Variants in FAM117A observed in about 807,000 individuals in gnomAD.
FAM117A encodes family with sequence similarity 117 member A, also known as protein FAM117A.
In FAM117A, 21 loss-of-function variants were observed where a neutral mutation model predicts 44.1. The ratio of observed to expected loss-of-function variants is 0.48; its 90% CI spans 0.34 to 0.69. The LOEUF (loss-of-function observed/expected upper bound fraction) is 0.69, where lower values mean the gene tolerates loss of function less well. Among genes scored for constraint, FAM117A ranks in the 30% least tolerant of loss-of-function variants. The pLI is 0.01. For missense variants in FAM117A, 498 were observed against 589.9 expected, an observed-to-expected ratio of 0.84 and a Z score of 1.61; for synonymous variants, 220 against 238.3, an observed-to-expected ratio of 0.92 and a Z score of 0.71.
At chr17:49,765,133 AT>A (rs2073741504), upstream of FAM117A, among the ~76,000 whole-genome samples, 2 of 152,262 alleles carry the variant, frequency 1.3e-5, no homozygotes, top group Non-Finnish European at 2.9e-5. Flanking sequence ...GGGAAAGAAA[AT>A]AACATTTAAG....
chr17:49,743,430 C>CA (rs1555596625), intron 1 of FAM117A, among the ~76,000 whole-genome samples: 1 of 150,844 alleles, frequency 6.6e-6, no homozygotes, highest in Non-Finnish European at 1.5e-5. Flanking sequence ...ACTCCACCTC[C>CA]AAAAAAAAGA....
Position 49,720,192 on chromosome 17 carries a change from T to A in FAM117A, c.573+134A>T. 8.1e-6 allele frequency: 6 copies of A among 743,522 alleles called. No individual in the cohort carries two copies. The South Asian group carries it at 9.1e-5, about 11-fold the overall frequency. 46.1% of individuals were successfully genotyped at this position (743,522 alleles called of 1,614,324 possible). A position where few individuals can be genotyped will look rare whatever the true frequency, so the allele number is the denominator to read the frequency against. ...TCCAATATCACACAGCAAGACCAAGTTTGGACTAAAACTTCACAAAGCATG... is the reference window on the plus strand; with the variant it reads ...TCCAATATCACACAGCAAGACCAAGATTGGACTAAAACTTCACAAAGCATG... On this transcript the variant is annotated intron_variant, in intron 4 of 7. Coordinates refer to ENST00000240364, the MANE Select transcript of FAM117A (RefSeq NM_030802.4).
chr17:49,723,831 G>C (rs2073546684), intron 2 of FAM117A, among the ~76,000 whole-genome samples: 1 of 152,156 alleles, frequency 6.6e-6, no homozygotes, highest in Non-Finnish European at 1.5e-5. Context: ...GCTGCTCATG[G>C]ATCAGCACCT....
At chr17:49,781,114 C>T (rs943596877) in intron 1 of FAM117A, among the ~76,000 whole-genome samples, 1 of 152,190 alleles carries the variant, frequency 6.6e-6, no homozygotes, top group Non-Finnish European at 1.5e-5. Context: ...CCATGCCTGG[C>T]CATGTTTTGC....
chr17:49,727,506 G>C (rs187720153), intron 2 of FAM117A, among the ~76,000 whole-genome samples: 1 of 152,326 alleles, frequency 6.6e-6, no homozygotes, highest in East Asian at 1.9e-4. Context: ...GGGACAAGTA[G>C]GGTAGCTTCT....
chr17:49,757,025 G>A (rs2073701727), intron 1 of FAM117A, among the ~76,000 whole-genome samples: 1 of 152,150 alleles, frequency 6.6e-6, no homozygotes, highest in East Asian at 1.9e-4. Context: ...GACAGTCTCT[G>A]AGAGAAAACT....
upstream of FAM117A, chr17:49,788,979 C>T (rs1772345263): frequency 3.6e-6 from 3 of 833,306 alleles, no homozygotes; most frequent in Non-Finnish European, 5.4e-6. Context: ...CAGCTACCCT[C>T]TCTTCTGTCC....
chr17:49,752,621 A>G (rs1305121225), intron 1 of FAM117A, among the ~76,000 whole-genome samples: 2 of 152,192 alleles, frequency 1.3e-5, no homozygotes, highest in African/African-American at 2.4e-5. Context: ...CCACAGAGGC[A>G]GAAAAATCTG....
chr17:49,756,389 AG>A (rs1360391011), intron 1 of FAM117A, among the ~76,000 whole-genome samples: 8 of 152,140 alleles, frequency 5.3e-5, no homozygotes, highest in Admixed American at 3.9e-4. Context: ...GTCTTCATTT[AG>A]GATCAGATAA....
chr17:49,748,365 C>A (rs2073661822), intron 1 of FAM117A, among the ~76,000 whole-genome samples: 1 of 152,198 alleles, frequency 6.6e-6, no homozygotes. Context: ...CCAACACACA[C>A]CTCTAAGCTT....
intron 7 of FAM117A, 74 bp from the exon 8 acceptor site, chr17:49,711,629 T>G: frequency 6.5e-6 from 9 of 1,388,772 alleles, no homozygotes; most frequent in Non-Finnish European, 8.1e-6. Flanking sequence ...GAGGGTGAGA[T>G]GTCACAGCAT....
Position 49,719,912 on chromosome 17 carries a change from G to T in FAM117A, c.574-18C>A, listed in dbSNP as rs2073525564. The T allele has an allele frequency of 6.3e-7, 1 of 1,595,458 alleles. No homozygotes were observed. On this transcript the variant is annotated intron_variant, in intron 4 of 7. Coordinates refer to ENST00000240364, the MANE Select transcript of FAM117A (RefSeq NM_030802.4). ...GGGGACGCCTGAGGAAGAGGCAAAT[G>T]ACAAAATCACACACAGCCCCACCAG...
chr17:49,788,982 T>G (rs1219908459), upstream of FAM117A: 1 of 808,480 alleles, frequency 1.2e-6, no homozygotes, highest in African/African-American at 1.8e-5. Flanking sequence ...CTACCCTCTC[T>G]TCTGTCCATA....
intron 7 of FAM117A, among the ~76,000 whole-genome samples, chr17:49,711,977 TC>T (rs1427769105): frequency 6.6e-6 from 1 of 152,142 alleles, no homozygotes; most frequent in Admixed American, 6.5e-5. Flanking sequence ...AAACCCTGTC[TC>T]CAGTAAAAAT....
intron 1 of FAM117A, among the ~76,000 whole-genome samples, chr17:49,741,975 G>GA (rs2073636342): frequency 6.6e-6 from 1 of 152,068 alleles, no homozygotes; most frequent in Admixed American, 6.6e-5. Context: ...CATCCCAGCT[G>GA]AAAAAATTAA....
At chr17:49,788,691 C>T (rs534152461), upstream of FAM117A, 1 of 886,724 alleles carries the variant, frequency 1.1e-6, no homozygotes, top group African/African-American at 1.8e-5. Context: ...GCAGAACGCT[C>T]CAGACGCTGA....
intron 3 of FAM117A, among the ~76,000 whole-genome samples, chr17:49,721,389 G>A (rs932609017): frequency 6.6e-5 from 10 of 152,174 alleles, no homozygotes; most frequent in Non-Finnish European, 1.0e-4. Flanking sequence ...TTTATGACTA[G>A]AGCCAAGAAG....
rs1050945870 is a variant in FAM117A, at chr17:49,743,439, GA to G, written c.197-10720del. Among the ~76,000 whole-genome samples the G allele has an allele frequency of 4.0e-5, 6 of 151,566 alleles. No homozygotes were observed. In the South Asian group the frequency reaches 6.3e-4, roughly 16 times the overall value. On this transcript the variant is annotated intron_variant, in intron 1 of 7. Coordinates refer to ENST00000240364, the MANE Select transcript of FAM117A (RefSeq NM_030802.4). ...AGCGAGACTCCACCTCCAAAAAAAAGAAAAAAAAGGCCAGGCACAGTGGCTC... is the reference window on the plus strand; with the variant it reads ...AGCGAGACTCCACCTCCAAAAAAAAGAAAAAAAGGCCAGGCACAGTGGCTC...
At chr17:49,752,341 A>T (rs1213652833) in intron 1 of FAM117A, among the ~76,000 whole-genome samples, 1 of 152,166 alleles carries the variant, frequency 6.6e-6, no homozygotes, top group African/African-American at 2.4e-5. Context: ...AGACATGCTC[A>T]GACAGATCCT....
Sources: gnomAD v4.1 joint callset for allele counts (sites outside exome capture counted in the v4.1 genomes callset) on GRCh38, gnomAD v4.1.1 for gene constraint, MANE v1.5 for transcripts, NCBI Gene and HGNC (gene_info 2026-07-23, HGNC 2026-07-21) for gene names.